The following CORIN variants were observed in gnomAD, a reference collection of about 807,000 sequenced individuals.
CORIN encodes atrial natriuretic peptide-converting enzyme.
In CORIN, 117 loss-of-function variants were observed where a neutral mutation model predicts 125.3. The observed-to-expected ratio is 0.93, with a 90% CI of 0.80 to 1.09. CORIN has a LOEUF of 1.09. Ranked by LOEUF, CORIN falls within the 50% of genes least tolerant of loss-of-function variation. The pLI, the probability that CORIN is intolerant of heterozygous loss-of-function variation, is 0.00. For missense variants in CORIN, 1,253 were observed against 1,306.7 expected (o/e 0.96, Z 0.63); for synonymous variants, 450 against 466.4 (o/e 0.96, Z 0.45).
intron 6 of CORIN, among the ~76,000 whole-genome samples, chr4:47,686,390 G>A (rs1725517903): frequency 6.6e-6 from 1 of 151,924 alleles, no homozygotes; most frequent in Non-Finnish European, 1.5e-5. Flanking sequence ...TTCAAATAAG[G>A]ACAGCCACCA....
intron 7 of CORIN, chr4:47,682,418 G>C (rs1189305186): frequency 4.3e-5 from 6 of 140,036 alleles, no homozygotes; most frequent in African/African-American, 1.6e-4. Flanking sequence ...CTCCAGCCTG[G>C]GTGATGGAGC....
intron 11 of CORIN, among the ~76,000 whole-genome samples, chr4:47,663,379 T>A (rs1320198059): frequency 2.0e-5 from 3 of 152,192 alleles, no homozygotes; most frequent in Non-Finnish European, 4.4e-5. Flanking sequence ...AGCAACTATG[T>A]ATTGCTTTAT....
chr4:47,680,498 G>T, intron 7 of CORIN: 1 of 386,600 alleles, frequency 2.6e-6, no homozygotes. Flanking sequence ...GCTGCCCCAG[G>T]ACCCGTAGTT....
chr4:47,820,480 C>T (rs1213109225), intron 1 of CORIN, among the ~76,000 whole-genome samples: 1 of 152,132 alleles, frequency 6.6e-6, no homozygotes, highest in Non-Finnish European at 1.5e-5. Context: ...TAAAAAAGAG[C>T]ATCCCTGTAA....
chr4:47,623,428 T>G, intron 19 of CORIN, 143 bp downstream of exon 19: 1 of 816,384 alleles, frequency 1.2e-6, no homozygotes, highest in East Asian at 2.7e-5. Flanking sequence ...ATAGAAAACT[T>G]TAGGAAGATA....
chr4:47,654,809 G>T (rs1723892884), intron 12 of CORIN, among the ~76,000 whole-genome samples: 1 of 152,024 alleles, frequency 6.6e-6, no homozygotes, highest in South Asian at 2.1e-4. Flanking sequence ...GGACTTGGGG[G>T]CATGCAACCT....
chr4:47,764,440 G>A (rs1577902614), intron 3 of CORIN, among the ~76,000 whole-genome samples: 1 of 152,156 alleles, frequency 6.6e-6, no homozygotes. Context: ...GGGATTTTAG[G>A]AATCGACCAC....
chr4:47,619,844 T>TA (rs1394302134), intron 19 of CORIN, among the ~76,000 whole-genome samples: 8 of 152,220 alleles, frequency 5.3e-5, no homozygotes, highest in African/African-American at 1.7e-4. Flanking sequence ...CTCTTGCTAG[T>TA]GTAACCTTCT....
At chr4:47,698,261 TAAC>T (rs781043697) in intron 5 of CORIN, among the ~76,000 whole-genome samples, 1 of 151,706 alleles carries the variant, frequency 6.6e-6, no homozygotes, top group Non-Finnish European at 1.5e-5. Flanking sequence ...AGTGGGGTAA[TAAC>T]ATTAATATTA....
chr4:47,755,614 G>A (rs1729100353), intron 4 of CORIN, among the ~76,000 whole-genome samples: 2 of 152,138 alleles, frequency 1.3e-5, no homozygotes, highest in African/African-American at 4.8e-5. Flanking sequence ...ATTAGGTCCA[G>A]GATTTTAACA....
At chr4:47,836,943 C>T (rs367996852) in intron 1 of CORIN, among the ~76,000 whole-genome samples, 53 of 152,326 alleles carry the variant, frequency 3.5e-4, no homozygotes, top group African/African-American at 1.3e-3. Context: ...CTGGGACCCT[C>T]GCGGTAGCAA....
At chr4:47,613,000 A>AG (rs1721928445) in intron 19 of CORIN, among the ~76,000 whole-genome samples, 1 of 152,226 alleles carries the variant, frequency 6.6e-6, no homozygotes, top group South Asian at 2.1e-4. Context: ...AGAATGTTTC[A>AG]GGGGGAAAAA....
At position 47,603,416 on chromosome 4, in the gene CORIN, C is replaced by T; in HGVS notation, c.2793G>A (p.Trp931Ter). The part of the protein sequence containing the change: ...EPDTYCYITG[W>*]GHMGNKMPFK... ...GCTTACTTTTATTGCCCATGTGGCC[C>T]CAGCCTGTGATATAGCAGTACGTGT... is the stretch of plus-strand genomic sequence containing the variant. Residue 931 changes from tryptophan (W) to a stop codon, truncating the protein, a stop_gained, in exon 20 of 22, where the codon TGG becomes TGA. Coordinates refer to ENST00000273857, the MANE Select transcript of CORIN (RefSeq NM_006587.4). LOFTEE classifies it high-confidence loss of function. 6 of 1,614,084 alleles carry T rather than the reference C, an allele frequency of 3.7e-6. No homozygotes were observed. The highest frequency in any genetic ancestry group is 5.1e-6 in the Non-Finnish European group (6 of 1,180,026).
At chr4:47,750,937 T>C (rs1237909857) in intron 4 of CORIN, among the ~76,000 whole-genome samples, 2 of 152,190 alleles carry the variant, frequency 1.3e-5, no homozygotes, top group Non-Finnish European at 1.5e-5. Context: ...AGCAAATACT[T>C]GTCAAGGGAT....
At chr4:47,684,695 G>A (rs1560504661) in intron 6 of CORIN, among the ~76,000 whole-genome samples, 1 of 151,972 alleles carries the variant, frequency 6.6e-6, no homozygotes, top group Non-Finnish European at 1.5e-5. Flanking sequence ...AACGGTATTG[G>A]GACAATACTA....
intron 16 of CORIN, among the ~76,000 whole-genome samples, chr4:47,638,950 T>C (rs1723133080): frequency 6.6e-6 from 1 of 152,208 alleles, no homozygotes; most frequent in African/African-American, 2.4e-5. Flanking sequence ...CAGCAACACA[T>C]GAAAGGCATA....
intron 1 of CORIN, chr4:47,837,611 C>T: frequency 1.8e-6 from 1 of 558,476 alleles, no homozygotes; most frequent in East Asian, 3.1e-5. Context: ...CCGGATCGAG[C>T]CGACTCGAAC....
intron 16 of CORIN, among the ~76,000 whole-genome samples, chr4:47,640,560 A>C (rs1473120981): frequency 6.6e-6 from 1 of 152,236 alleles, no homozygotes; most frequent in African/African-American, 2.4e-5. Flanking sequence ...TAAAACAAAG[A>C]GTGGTGATGG....
chr4:47,818,269 A>G (rs1732359665), intron 1 of CORIN, among the ~76,000 whole-genome samples: 1 of 152,228 alleles, frequency 6.6e-6, no homozygotes, highest in African/African-American at 2.4e-5. Flanking sequence ...GGCTGAGCAG[A>G]TAAGAAGGAA....
Sources: gnomAD v4.1 joint callset for allele counts (sites outside exome capture counted in the v4.1 genomes callset) on GRCh38, gnomAD v4.1.1 for gene constraint, MANE v1.5 for transcripts, NCBI Gene and HGNC (gene_info 2026-07-23, HGNC 2026-07-21) for gene names.